Variants in LMTK3 observed in about 807,000 individuals in gnomAD.
LMTK3 encodes the protein serine/threonine-protein kinase LMTK3.
In LMTK3, 27 loss-of-function variants were observed where a neutral mutation model predicts 116.7. That is an observed-to-expected ratio of 0.23 (90% CI 0.17 to 0.32). The LOEUF (loss-of-function observed/expected upper bound fraction) is 0.32. LMTK3 is among the 10% of genes least tolerant of loss of function. LMTK3 has a pLI of 1.00. For missense variants in LMTK3, 1,764 were observed against 2,068.5 expected, an observed-to-expected ratio of 0.85 and a Z score of 2.86; for synonymous variants, 965 against 971.0, an observed-to-expected ratio of 0.99 and a Z score of 0.11.
intron 12 of LMTK3, among the ~76,000 whole-genome samples, chr19:48,493,093 A>AT (rs1447040567): frequency 3.0e-5 from 4 of 131,622 alleles, no homozygotes; most frequent in East Asian, 2.3e-4. Context: ...CCAGCCTTGG[A>AT]TTTTCTCCAG....
chr19:48,499,232 CG>C lies in LMTK3; in HGVS notation c.1836del (p.Glu613ArgfsTer77). 1 of 1,379,702 alleles carries C rather than the reference CG, an allele frequency of 7.2e-7. No individual in the cohort carries two copies. The allele number at this position is 1,379,702 out of a possible 1,614,324, so 85.5% of individuals were successfully genotyped here. On this transcript the variant is annotated frameshift_variant, in exon 11 of 15. Transcript: ENST00000600059. LOFTEE classifies it high-confidence loss of function. ...SGSFLLSGWD[P>X]EGRGAGETLA... ...AGGGTCTCCCCGGCGCCCCGGCCCT[CG>C]GGGTCCCAGCCGCTCAGCAGGAAGC...
chr19:48,499,946 G>A (rs1299486960), intron 10 of LMTK3, 29 bp from the exon 11 acceptor site: 1 of 1,551,758 alleles, frequency 6.4e-7, no homozygotes, highest in African/African-American at 1.4e-5. Context: ...GAGTGAGCAG[G>A]GCAGAGACCC....
At position 48,505,247 on chromosome 19, in the gene LMTK3, G is replaced by T. The variant is rs181726787; in HGVS notation, c.558-2251C>A. On this transcript the variant is annotated intron_variant, in intron 5 of 14. Coordinates refer to ENST00000600059, the MANE Select transcript of LMTK3 (RefSeq NM_001388485.1). The stretch of plus-strand genomic sequence containing the variant: ...TCCTGCCTCATCCTCCTGAGTAGCT[G>T]GGATTACAGGCATGTGCCACCATGC... Among the ~76,000 whole-genome samples the T allele has an allele frequency of 4.6e-3, 690 of 151,312 alleles. 5 individuals are homozygous for T. The highest frequency in any genetic ancestry group is 0.016 in the African/African-American group (659 of 41,212).
chr19:48,496,297 TTTTC>T (rs1316387241), intron 11 of LMTK3, among the ~76,000 whole-genome samples: 12 of 147,536 alleles, frequency 8.1e-5, no homozygotes, highest in African/African-American at 3.1e-4. Context: ...TTTCTTTTTC[TTTTC>T]TTTTTTTTTT....
chr19:48,485,580 T>TCTGGGGGG lies in LMTK3; in HGVS notation c.*185_*192dup. 2.3e-6 allele frequency: 1 copy of TCTGGGGGG among 443,946 alleles called. No individual in the cohort carries two copies. The highest frequency in any genetic ancestry group is 3.7e-6 in the Non-Finnish European group (1 of 268,516). The allele number at this position is 443,946 out of a possible 1,614,324, so 27.5% of individuals were successfully genotyped here. A position where few individuals can be genotyped will look rare whatever the true frequency, so the allele number is the denominator to read the frequency against. On this transcript the variant is annotated 3_prime_UTR_variant, in exon 15 of 15. Transcript: ENST00000600059. ...GGGGTCAGGGGGGTCAGGGGAGCCA[T>TCTGGGGGG]CTGGGGGGCTGGGGGGCGGGGGCCC... is the stretch of plus-strand genomic sequence containing the variant.
In LMTK3 at chr19:48,501,326, C is replaced by G; in HGVS notation, c.958G>C (p.Gly320Arg). The change falls in exon 9 of 15, where the codon GGG becomes CGG. Residue 320 changes from glycine to arginine, a missense_variant. Physicochemically the swap from Gly to Arg is moderately radical, Grantham distance 125 (BLOSUM62 -2). Transcript: ENST00000600059. ...CTCTGGTCCACCACCATGAAGGTCCCGTGGAGCTCCCCGAGGAGCTCGGGC... is the reference window on the plus strand; with the variant it reads ...CTCTGGTCCACCACCATGAAGGTCCGGTGGAGCTCCCCGAGGAGCTCGGGC... Reference protein sequence around the residue: ...AAPELLGELHGTFMVVDQSRE... With the variant: ...AAPELLGELHRTFMVVDQSRE... 1.2e-6 allele frequency: 2 copies of G among 1,613,530 alleles called. No homozygotes were observed. The highest frequency in any genetic ancestry group is 8.5e-7 in the Non-Finnish European group (1 of 1,179,788).
Position 48,500,869 on chromosome 19 carries a change from C to G in LMTK3, c.1151+127G>C. 1.1e-6 allele frequency: 1 copy of G among 916,922 alleles called. No individual in the cohort carries two copies. Among genetic ancestry groups the G allele is most frequent in the Non-Finnish European group, 1.6e-6 (1 of 635,340 alleles). The allele number at this position is 916,922 out of a possible 1,614,324, so 56.8% of individuals were successfully genotyped here. A position where few individuals can be genotyped will look rare whatever the true frequency, so the allele number is the denominator to read the frequency against. ...TGCTGGCAGAAAGGGTGGGGACAGCCCCTCTTCACTCTTGAGGGGTATGGA... is the reference window on the plus strand; with the variant it reads ...TGCTGGCAGAAAGGGTGGGGACAGCGCCTCTTCACTCTTGAGGGGTATGGA... On this transcript the variant is annotated intron_variant, in intron 10 of 14. Transcript: ENST00000600059. This position sits in a 1 kb window ranked among gnomAD's most constrained non-coding sequence, Gnocchi z 4.0.
chr19:48,497,345 C>CAA lies in LMTK3; in HGVS notation c.3676+47_3676+48insTT, dbSNP rs1972345215. 4 of 1,415,088 alleles carry CAA rather than the reference C, an allele frequency of 2.8e-6. No homozygotes were observed. Among genetic ancestry groups the CAA allele is most frequent in the Admixed American group, 5.8e-5 (2 of 34,738 alleles). The allele number at this position is 1,415,088 out of a possible 1,614,324, so 87.7% of individuals were successfully genotyped here. The stretch of plus-strand genomic sequence containing the variant: ...ACCCACACTCACCCTCCGCACGCCT[C>CAA]GGAAACAGCCGGACCTCAGCCCTGA... On this transcript the variant is annotated intron_variant, in intron 11 of 14. Coordinates refer to ENST00000600059, the MANE Select transcript of LMTK3 (RefSeq NM_001388485.1). The surrounding 1 kb of genome is among the most constrained non-coding windows in gnomAD (Gnocchi z 5.7).
intron 2 of LMTK3, 48 bp downstream of exon 2, chr19:48,510,411 C>G: frequency 6.4e-7 from 1 of 1,566,212 alleles, no homozygotes; most frequent in Non-Finnish European, 8.6e-7. Context: ...GGGGTAAAGG[C>G]CTTGCTGGAG....
In LMTK3 at chr19:48,499,734, C is replaced by T. The variant is rs541772701; in HGVS notation, c.1335G>A (p.Gly445=). ...GTAGGGGGAACGGTGAGGAGAGGGT[C>T]CCCGGGCGGGGCGCACTGTGTGCAG... The part of the protein sequence containing the change: ...WPPAHSAPRP[G]TLSSPFPLLD... The change falls in exon 11 of 15, where the codon GGG becomes GGA. Residue 445 remains glycine, a synonymous_variant. Transcript: ENST00000600059. 5.2e-6 allele frequency: 8 copies of T among 1,527,040 alleles called. No homozygotes were observed. The African/African-American group carries it at 1.1e-4, about 21-fold the overall frequency. 94.6% of individuals were successfully genotyped at this position (1,527,040 alleles called of 1,614,324 possible).
intron 2 of LMTK3, 135 bp from the exon 3 acceptor site, chr19:48,510,308 C>A: frequency 2.1e-6 from 3 of 1,402,280 alleles, no homozygotes; most frequent in Non-Finnish European, 2.9e-6. Context: ...TCCCCCATTT[C>A]CCCATCCCAA....
intron 11 of LMTK3, among the ~76,000 whole-genome samples, chr19:48,495,162 C>T (rs1972304063): frequency 6.6e-6 from 1 of 151,816 alleles, no homozygotes; most frequent in Non-Finnish European, 1.5e-5. Context: ...GGTGCCTGCC[C>T]CCACGCTCAG....
At chr19:48,502,050 G>A in intron 7 of LMTK3, among the ~76,000 whole-genome samples, 2 of 63,578 alleles carry the variant, frequency 3.1e-5, no homozygotes, top group African/African-American at 6.7e-5. Flanking sequence ...TTCTCTCCTG[G>A]CCCCTCCCCT....
intron 14 of LMTK3, among the ~76,000 whole-genome samples, chr19:48,486,121 G>A (rs1488919034): frequency 1.6e-5 from 2 of 125,754 alleles, no homozygotes; most frequent in South Asian, 2.8e-4. Flanking sequence ...GTGCAGTGGC[G>A]CGATCTCGGC....
At position 48,500,766 on chromosome 19, in the gene LMTK3, G is replaced by A. The variant is rs942836501; in HGVS notation, c.1151+230C>T. Among the ~76,000 whole-genome samples, 20 of 152,214 alleles carry A rather than the reference G, an allele frequency of 1.3e-4. No homozygotes were observed. The highest frequency in any genetic ancestry group is 4.6e-4 in the African/African-American group (19 of 41,438). On this transcript the variant is annotated intron_variant, in intron 10 of 14. Transcript: ENST00000600059. This position sits in a 1 kb window ranked among gnomAD's most constrained non-coding sequence, Gnocchi z 4.0. ...AGCTCTGGAATCAGACAGGTAAGAA[G>A]CAGGGACCTCTTAGGGTGAAGTGGG...
At chr19:48,503,356 C>A (rs1368774659) in intron 5 of LMTK3, among the ~76,000 whole-genome samples, 2 of 152,068 alleles carry the variant, frequency 1.3e-5, no homozygotes, top group Non-Finnish European at 2.9e-5. Flanking sequence ...CCCACTCTAC[C>A]TTTTTGATCT....
chr19:48,503,113 G>A (rs575041578), intron 5 of LMTK3, 117 bp from the exon 6 acceptor site: 41 of 711,448 alleles, frequency 5.8e-5, no homozygotes, highest in Non-Finnish European at 9.8e-5. Context: ...TTGTTTGTTT[G>A]TTTGTTTTGA....
In LMTK3 at chr19:48,508,939, T is replaced by C; in HGVS notation, c.469A>G (p.Thr157Ala). ...TCCTTCACCACCACCTGGGCGGGGG[T>C]GTAGTCGGAGAAAATCTCTCCCAGG... is the stretch of plus-strand genomic sequence containing the variant. ...VILGEIFSDY[T>A]PAQVVVKELR... The change falls in exon 5 of 15, where the codon ACC becomes GCC. Residue 157 changes from threonine (T) to alanine (A), a missense_variant. Transcript: ENST00000600059. 6.8e-6 allele frequency: 11 copies of C among 1,609,956 alleles called. No individual in the cohort carries two copies. Among genetic ancestry groups the C allele is most frequent in the Non-Finnish European group, 9.3e-6 (11 of 1,178,404 alleles).
At chr19:48,487,817 C>A (rs900914178) in intron 14 of LMTK3, among the ~76,000 whole-genome samples, 3 of 152,172 alleles carry the variant, frequency 2.0e-5, no homozygotes, top group African/African-American at 7.2e-5. Context: ...ACTGCCCTCA[C>A]TCCCAGTCCC....
Sources: gnomAD v4.1 joint callset for allele counts (sites outside exome capture counted in the v4.1 genomes callset) on GRCh38, gnomAD v4.1.1 for gene constraint, Gnocchi (gnomAD v3.1) non-coding constraint, MANE v1.5 for transcripts, NCBI Gene and HGNC (gene_info 2026-07-23, HGNC 2026-07-21) for gene names.